Variants in TAS2R1 observed in about 807,000 individuals in gnomAD.
The protein encoded by TAS2R1 is taste receptor type 2 member 1.
For missense variants in TAS2R1, 370 were observed against 353.4 expected (o/e 1.05, Z -0.38); for synonymous variants, 141 against 134.2 (o/e 1.05, Z -0.35).
At chr5:9,831,390 C>T in the TAS2R1 span, among the ~76,000 whole-genome samples, 2 of 151,840 alleles carry the variant, frequency 1.3e-5, no homozygotes, top group African/African-American at 2.4e-5. Context: ...CATAGTGTCA[C>T]GAAACAATAA....
intron 1 of TAS2R1, among the ~76,000 whole-genome samples, chr5:9,704,758 T>C (rs968208260): frequency 6.6e-6 from 1 of 152,228 alleles, no homozygotes; most frequent in Non-Finnish European, 1.5e-5. Context: ...TTAAGAATTT[T>C]AATAACACTC....
chr5:9,727,706 A>T, the TAS2R1 span, among the ~76,000 whole-genome samples: 1 of 152,188 alleles, frequency 6.6e-6, no homozygotes, highest in Non-Finnish European at 1.5e-5. Flanking sequence ...GGAGCCTTGA[A>T]ACAGCAGAGA....
the TAS2R1 span, among the ~76,000 whole-genome samples, chr5:9,880,770 G>T: frequency 6.6e-6 from 1 of 152,204 alleles, no homozygotes; most frequent in South Asian, 2.1e-4. Flanking sequence ...GATATTGGGA[G>T]ATCAGAGTTA....
chr5:9,851,357 A>G, the TAS2R1 span, among the ~76,000 whole-genome samples: 2 of 152,200 alleles, frequency 1.3e-5, no homozygotes, highest in East Asian at 1.9e-4. Context: ...CCTTTGGTGT[A>G]CATTACAAAT....
chr5:9,888,486 T>A, the TAS2R1 span, among the ~76,000 whole-genome samples: 2 of 152,188 alleles, frequency 1.3e-5, no homozygotes, highest in African/African-American at 4.8e-5. Context: ...CACAGCCTGC[T>A]GAACTATTTT....
chr5:9,737,699 G>A, the TAS2R1 span, among the ~76,000 whole-genome samples: 3 of 152,308 alleles, frequency 2.0e-5, no homozygotes, highest in East Asian at 5.8e-4. Context: ...TGTGGATGTG[G>A]AGCTGAATGA....
At chr5:9,837,836 T>C in the TAS2R1 span, among the ~76,000 whole-genome samples, 2 of 152,344 alleles carry the variant, frequency 1.3e-5, no homozygotes, top group Non-Finnish European at 2.9e-5. Flanking sequence ...CTGTCTTGTT[T>C]GTTGCTATGG....
chr5:9,697,712 A>G (rs1247015330), intron 1 of TAS2R1, among the ~76,000 whole-genome samples: 1 of 152,214 alleles, frequency 6.6e-6, no homozygotes. Context: ...ACTATTTGCT[A>G]TATTTTAAAA....
At chr5:9,644,736 A>G (rs765516760) in intron 2 of TAS2R1, among the ~76,000 whole-genome samples, 2 of 152,136 alleles carry the variant, frequency 1.3e-5, no homozygotes, top group African/African-American at 2.4e-5. Flanking sequence ...GAGCACTGTA[A>G]ATAAGAAACC....
intron 2 of TAS2R1, among the ~76,000 whole-genome samples, chr5:9,652,060 G>A (rs1312270249): frequency 6.6e-6 from 1 of 152,192 alleles, no homozygotes; most frequent in Non-Finnish European, 1.5e-5. Flanking sequence ...AGATCAAAAT[G>A]TGGGTTATTG....
intron 2 of TAS2R1, among the ~76,000 whole-genome samples, chr5:9,656,140 C>G (rs376472052): frequency 6.6e-6 from 1 of 152,186 alleles, no homozygotes; most frequent in East Asian, 1.9e-4. Context: ...AAGTGCCTAC[C>G]AAGCACAGTA....
intron 1 of TAS2R1, among the ~76,000 whole-genome samples, chr5:9,668,791 T>C (rs1740690841): frequency 6.6e-6 from 1 of 152,046 alleles, no homozygotes; most frequent in African/African-American, 2.4e-5. Flanking sequence ...AGACCATTAC[T>C]AGCTAGCACA....
intron 2 of TAS2R1, among the ~76,000 whole-genome samples, chr5:9,654,159 T>C (rs768077630): frequency 9.9e-5 from 15 of 152,220 alleles, no homozygotes; most frequent in African/African-American, 3.4e-4. Context: ...GGAATTTCCA[T>C]GATGCCTGAA....
chr5:9,743,419 T>C, the TAS2R1 span, among the ~76,000 whole-genome samples: 3 of 152,168 alleles, frequency 2.0e-5, no homozygotes, highest in Non-Finnish European at 4.4e-5. Context: ...GCTGCACCCA[T>C]TAACTTGTGA....
rs370235228 is a variant in TAS2R1, at chr5:9,672,183, A to T, written c.-241-12602T>A. Among the ~76,000 whole-genome samples, 14 of 152,330 alleles carry T rather than the reference A, an allele frequency of 9.2e-5. No individual in the cohort carries two copies. The South Asian group carries it at 2.9e-3, about 32-fold the overall frequency. On this transcript the variant is annotated intron_variant, in intron 1 of 2. Coordinates refer to the TAS2R1 transcript ENST00000506620. Reference sequence around the variant, plus strand: ...TTAAATATAAAACCTAAAACTGTAAAAACCCTTGAAGATAACCTAGGACAT... The same window carrying T: ...TTAAATATAAAACCTAAAACTGTAATAACCCTTGAAGATAACCTAGGACAT...
upstream of TAS2R1, among the ~76,000 whole-genome samples, chr5:9,717,223 A>G (rs1734831985): frequency 1.3e-5 from 2 of 152,210 alleles, no homozygotes; most frequent in East Asian, 3.8e-4. Flanking sequence ...GGGTGGGGCC[A>G]GAAGGGGTGG....
chr5:9,776,071 A>C, the TAS2R1 span, among the ~76,000 whole-genome samples: 9 of 152,200 alleles, frequency 5.9e-5, no homozygotes, highest in Non-Finnish European at 1.2e-4. Flanking sequence ...TCAGAACCCC[A>C]GAACACTTTA....
chr5:9,862,399 A>T, the TAS2R1 span, among the ~76,000 whole-genome samples: 1 of 152,114 alleles, frequency 6.6e-6, no homozygotes, highest in Admixed American at 6.5e-5. Flanking sequence ...CTGACAGCCT[A>T]ACCTGCAGAA....
chr5:9,688,037 G>A (rs1222396823), intron 1 of TAS2R1, among the ~76,000 whole-genome samples: 1 of 152,174 alleles, frequency 6.6e-6, no homozygotes, highest in Admixed American at 6.5e-5. Context: ...GGAATCCTTG[G>A]ACTTTACAGG....
Sources: allele counts gnomAD v4.1 joint callset (sites outside exome capture counted in the v4.1 genomes callset), GRCh38; gene constraint gnomAD v4.1.1; transcripts MANE v1.5; gene names NCBI Gene and HGNC (gene_info 2026-07-23, HGNC 2026-07-21).